The following EXOC4 variants were observed in gnomAD, a reference collection of about 807,000 sequenced individuals.
EXOC4 encodes exocyst complex component 4, also known as SEC8-like 1.
A neutral mutation model predicts 107.2 loss-of-function variants in EXOC4; 71 were observed. The ratio of observed to expected loss-of-function variants is 0.66; its 90% CI spans 0.55 to 0.81. The LOEUF (loss-of-function observed/expected upper bound fraction) is 0.81. Among genes scored for constraint, EXOC4 ranks in the 30% least tolerant of loss-of-function variants. The pLI is 0.00. For synonymous variants in EXOC4, 456 were observed against 441.2 expected (o/e 1.03, Z -0.42); for missense variants, 1,108 against 1,189.6 (o/e 0.93, Z 1.01).
intron 10 of EXOC4, among the ~76,000 whole-genome samples, chr7:133,750,196 G>T (rs528061467): frequency 1.6e-4 from 24 of 152,020 alleles, no homozygotes; most frequent in Admixed American, 9.2e-4. Flanking sequence ...ACTTCCCATT[G>T]TCTCCTTTCC....
At chr7:134,068,040 A>G (rs1796210594), downstream of EXOC4, among the ~76,000 whole-genome samples, 1 of 152,162 alleles carries the variant, frequency 6.6e-6, no homozygotes, top group Admixed American at 6.5e-5. Context: ...TCTGAAAGAC[A>G]AGTTTATTTT....
intron 17 of EXOC4, among the ~76,000 whole-genome samples, chr7:134,030,653 CCTT>C (rs1233852600): frequency 6.6e-6 from 1 of 151,928 alleles, no homozygotes; most frequent in Non-Finnish European, 1.5e-5. Context: ...GGGTAATAAA[CCTT>C]GTTGACCCGC....
chr7:133,725,680 T>C (rs1056072126), intron 10 of EXOC4, among the ~76,000 whole-genome samples: 1 of 152,132 alleles, frequency 6.6e-6, no homozygotes, highest in Non-Finnish European at 1.5e-5. Flanking sequence ...CTGGCCAGGG[T>C]TGACATTTCA....
intron 14 of EXOC4, among the ~76,000 whole-genome samples, chr7:133,968,025 G>A (rs1585286299): frequency 6.6e-6 from 1 of 152,162 alleles, no homozygotes; most frequent in African/African-American, 2.4e-5. Flanking sequence ...TGTATTGGGT[G>A]CATATATATT....
chr7:133,672,813 C>T (rs1359214746), intron 10 of EXOC4, among the ~76,000 whole-genome samples: 3 of 152,152 alleles, frequency 2.0e-5, no homozygotes, highest in Non-Finnish European at 4.4e-5. Context: ...CATTATAGAG[C>T]AAGTCACGTA....
At chr7:133,621,142 G>A (rs968651378) in intron 9 of EXOC4, among the ~76,000 whole-genome samples, 2 of 152,136 alleles carry the variant, frequency 1.3e-5, no homozygotes, top group South Asian at 2.1e-4. Flanking sequence ...TTTTACTGAT[G>A]GCTCAGGATG....
intron 9 of EXOC4, among the ~76,000 whole-genome samples, chr7:133,580,499 A>G (rs1269437806): frequency 6.6e-6 from 1 of 152,176 alleles, no homozygotes; most frequent in East Asian, 1.9e-4. Flanking sequence ...AACCTCGCCA[A>G]CGCTCCTACA....
At chr7:133,440,882 C>G (rs1168963732) in intron 7 of EXOC4, among the ~76,000 whole-genome samples, 1 of 152,206 alleles carries the variant, frequency 6.6e-6, no homozygotes, top group African/African-American at 2.4e-5. Context: ...CTTGGGGCAG[C>G]TCTGTGGAGT....
chr7:133,896,040 G>C (rs866575011), intron 12 of EXOC4, among the ~76,000 whole-genome samples: 2 of 152,144 alleles, frequency 1.3e-5, no homozygotes, highest in African/African-American at 4.8e-5. Flanking sequence ...TCCAGATCTT[G>C]GTTAGTCTAT....
At chr7:133,909,270 T>TC (rs2116595015) in intron 12 of EXOC4, among the ~76,000 whole-genome samples, 1 of 152,336 alleles carries the variant, frequency 6.6e-6, no homozygotes, top group Non-Finnish European at 1.5e-5. Flanking sequence ...GTCCTTGCTT[T>TC]CGTGGATTTT....
At chr7:133,452,533 C>T (rs1197264945) in intron 7 of EXOC4, among the ~76,000 whole-genome samples, 1 of 150,010 alleles carries the variant, frequency 6.7e-6, no homozygotes, top group African/African-American at 2.5e-5. Flanking sequence ...CCCCAATAGC[C>T]TCTGCCATCC....
intron 10 of EXOC4, among the ~76,000 whole-genome samples, chr7:133,677,147 T>C (rs926571002): frequency 6.6e-6 from 1 of 152,172 alleles, no homozygotes; most frequent in African/African-American, 2.4e-5. Context: ...GGTTTAGTAA[T>C]TCTTAGTGTC....
Position 133,921,898 on chromosome 7 carries a change from T to G in EXOC4, c.2027+4160T>G, listed in dbSNP as rs571650141. Among the ~76,000 whole-genome samples the G allele has an allele frequency of 1.3e-3, 199 of 152,294 alleles. 2 individuals are homozygous for G. In the South Asian group the frequency reaches 0.037, roughly 29 times the overall value. Reference sequence around the variant, plus strand: ...TAACTATCTCAGAGTTCTTAGATATTCTGTTGTTTTATTCTTCTTTTCTCT... The same window carrying G: ...TAACTATCTCAGAGTTCTTAGATATGCTGTTGTTTTATTCTTCTTTTCTCT... On this transcript the variant is annotated intron_variant, in intron 13 of 17. Coordinates refer to ENST00000253861, the MANE Select transcript of EXOC4 (RefSeq NM_021807.4).
chr7:133,397,088 C>T (rs1796984603), intron 7 of EXOC4, among the ~76,000 whole-genome samples: 1 of 151,542 alleles, frequency 6.6e-6, no homozygotes, highest in Admixed American at 6.6e-5. Context: ...GTATCTAGGC[C>T]TGTCGATATC....
intron 9 of EXOC4, among the ~76,000 whole-genome samples, chr7:133,485,734 C>T (rs1021278857): frequency 6.6e-6 from 1 of 152,124 alleles, no homozygotes; most frequent in Non-Finnish European, 1.5e-5. Context: ...CGCTTTAAGA[C>T]ATATATGATG....
Position 133,850,640 on chromosome 7 carries a change from CCA to C in EXOC4, c.1734+33110_1734+33111del, listed in dbSNP as rs58027331. On this transcript the variant is annotated intron_variant, in intron 11 of 17. Coordinates refer to ENST00000253861, the MANE Select transcript of EXOC4 (RefSeq NM_021807.4). ...CTTAAAGGTTATCTAGGTTACCCCC[CCA>C]CACACACACACACCCATGTCAAAAT... is the stretch of plus-strand genomic sequence containing the variant. Among the ~76,000 whole-genome samples the C allele has an allele frequency of 4.3e-3, 648 of 149,982 alleles. 3 individuals carry two copies. Among genetic ancestry groups the C allele is most frequent in the Non-Finnish European group, 7.7e-3 (517 of 67,316 alleles).
chr7:133,372,566 G>A (rs571721602), intron 6 of EXOC4, among the ~76,000 whole-genome samples: 3 of 151,896 alleles, frequency 2.0e-5, no homozygotes, highest in African/African-American at 7.2e-5. Flanking sequence ...TCTAAATGTA[G>A]CGCTGTTCCT....
chr7:133,655,223 CAT>C (rs1803262316), intron 10 of EXOC4, among the ~76,000 whole-genome samples: 1 of 151,888 alleles, frequency 6.6e-6, no homozygotes. Flanking sequence ...TTATAGTTGA[CAT>C]ATTGTACACA....
intron 1 of EXOC4, among the ~76,000 whole-genome samples, chr7:133,261,194 T>C (rs1795143000): frequency 6.6e-6 from 1 of 152,098 alleles, no homozygotes; most frequent in Non-Finnish European, 1.5e-5. Context: ...GTACTAATTT[T>C]ATCATCTGTG....
Sources: gnomAD v4.1 joint callset for allele counts (sites outside exome capture counted in the v4.1 genomes callset) on GRCh38, gnomAD v4.1.1 for gene constraint, MANE v1.5 for transcripts, NCBI Gene and HGNC (gene_info 2026-07-23, HGNC 2026-07-21) for gene names.